Variants in POLL observed in about 807,000 individuals in gnomAD.
POLL encodes DNA polymerase beta-2.
Under a neutral mutation model 58.1 loss-of-function variants are expected in POLL, and 44 were observed. The observed-to-expected ratio is 0.76, with a 90% CI of 0.60 to 0.97. The LOEUF is 0.97. Ranked by LOEUF, POLL falls within the 50% of genes least tolerant of loss-of-function variation. The pLI is 0.00. For synonymous variants in POLL, 290 were observed against 283.2 expected (o/e 1.02, Z -0.24); for missense variants, 632 against 736.8 (o/e 0.86, Z 1.65).
intron 7 of POLL, among the ~76,000 whole-genome samples, chr10:101,582,425 C>T (rs570967771): frequency 6.6e-6 from 1 of 152,278 alleles, no homozygotes; most frequent in South Asian, 2.1e-4. Flanking sequence ...CTGACCCACC[C>T]TAACCTCAGT....
At position 101,584,729 on chromosome 10, in the gene POLL, T is replaced by C. The variant is rs948919792; in HGVS notation, c.764A>G (p.His255Arg). Residue 255 changes from histidine (H) to arginine (R), a missense_variant, in exon 5 of 9, where the codon CAT becomes CGT. Physicochemically the swap from His to Arg is conservative, Grantham distance 29. Coordinates refer to ENST00000370162, the MANE Select transcript of POLL (RefSeq NM_001174084.2). ...CAGAACTTCCAGCTTCTCTGTGATA[T>C]GGAGGTTGTGATTGGTCGCCTTCTG... ...SSQKATNHNL[H>R]ITEKLEVLAK... is the part of the protein sequence containing the mutation. 3 of 1,614,008 alleles carry C rather than the reference T, an allele frequency of 1.9e-6. No individual in the cohort carries two copies. Among genetic ancestry groups the C allele is most frequent in the African/African-American group, 2.7e-5 (2 of 74,930 alleles).
intron 4 of POLL, 47 bp from the exon 5 acceptor site, chr10:101,584,966 A>G: frequency 7.9e-7 from 1 of 1,263,554 alleles, no homozygotes; most frequent in Non-Finnish European, 1.0e-6. Context: ...GTTCTCCAAG[A>G]GAAGGGATCC....
rs745631838 is a variant in POLL at position 101,588,210 on chromosome 10, A to T, written c.-435T>A. The T allele has an allele frequency of 9.1e-6, 14 of 1,542,846 alleles. No individual in the cohort carries two copies. Among genetic ancestry groups the T allele is most frequent in the African/African-American group, 1.4e-5 (1 of 73,036 alleles). On this transcript the variant is annotated 5_prime_UTR_variant, in exon 1 of 9. Coordinates refer to ENST00000370162, the MANE Select transcript of POLL (RefSeq NM_001174084.2). Reference sequence around the variant, plus strand: ...GCAGGAATAGACCACTTACCAGCAGAGCCAATGAGAGCGGACGAAGGGGGG... The same window carrying T: ...GCAGGAATAGACCACTTACCAGCAGTGCCAATGAGAGCGGACGAAGGGGGG...
intron 3 of POLL, 103 bp downstream of exon 3, chr10:101,585,759 C>T: frequency 9.1e-7 from 1 of 1,098,234 alleles, no homozygotes. Context: ...CCCCACCATG[C>T]CTGGCTAATT....
chr10:101,583,014 C>G, intron 6 of POLL, 123 bp from the exon 7 acceptor site: 1 of 1,161,762 alleles, frequency 8.6e-7, no homozygotes, highest in Non-Finnish European at 1.3e-6. Flanking sequence ...CAGGACCAAC[C>G]TAGGGGCAGT....
rs1216108419 is a variant in POLL at position 101,585,370 on chromosome 10, G to A, written c.519C>T (p.Thr173=). ...QTALSPPPPP[T]RPVSPPQKAK... ...CCTTTTGGGGAGGAGACACAGGCCTGGTGGGAGGAGGAGGAGGAGAAAGGG... is the reference window on the plus strand; with the variant it reads ...CCTTTTGGGGAGGAGACACAGGCCTAGTGGGAGGAGGAGGAGGAGAAAGGG... The change falls in exon 4 of 9, where the codon ACC becomes ACT. Residue 173 remains threonine (T), a synonymous_variant. Transcript: ENST00000370162. 2 of 1,605,340 alleles carry A rather than the reference G, an allele frequency of 1.2e-6. No homozygotes were observed. The highest frequency in any genetic ancestry group is 1.7e-6 in the Non-Finnish European group (2 of 1,175,854).
Position 101,584,688 on chromosome 10 carries a change from C to A in POLL, c.805G>T (p.Val269Phe). ...AGGGCCCTCCACTTGTCTCCCTGAA[C>A]ACTGTAGGCTTTGGCCAGAACTTCC... ...KLEVLAKAYS[V>F]QGDKWRALGY... Residue 269 changes from valine (V) to phenylalanine (F), a missense_variant, in exon 5 of 9, where the codon GTT (valine) becomes TTT (phenylalanine). Val to Phe is a conservative substitution (Grantham distance 50). Transcript: ENST00000370162. 1 of 1,613,958 alleles carries A rather than the reference C, an allele frequency of 6.2e-7. No homozygotes were observed. The highest frequency in any genetic ancestry group is 8.5e-7 in the Non-Finnish European group (1 of 1,179,956).
At chr10:101,587,058 A>G (rs909545126) in intron 2 of POLL, 188 bp downstream of exon 2, 3 of 1,229,254 alleles carry the variant, frequency 2.4e-6, no homozygotes, top group Non-Finnish European at 3.6e-6. Flanking sequence ...AAAAGAAGGT[A>G]ACACAGCAAA....
At chr10:101,581,172 C>T (rs1447434713) in intron 7 of POLL, 2 of 152,116 alleles carry the variant, frequency 1.3e-5, no homozygotes, top group Non-Finnish European at 2.9e-5. Context: ...AATTCTGGGG[C>T]CCCGGACACC....
At chr10:101,587,042 G>C (rs1337060337) in intron 2 of POLL, 133 of 1,042,758 alleles carry the variant, frequency 1.3e-4, no homozygotes, top group Non-Finnish European at 7.1e-5. Flanking sequence ...AGAGGTCTTC[G>C]GGTAGAAAAG....
rs1246415603 is a variant in POLL, at chr10:101,580,148, C to T, written c.1363+100G>A. ...CTGGCAAAGCACTGTTCCCCTGCTT[C>T]CTGCCTCAGGACTGGAACTTCTGAG... On this transcript the variant is annotated intron_variant, in intron 8 of 8. Coordinates refer to ENST00000370162, the MANE Select transcript of POLL (RefSeq NM_001174084.2). This position sits in a 1 kb window ranked among gnomAD's most constrained non-coding sequence, Gnocchi z 4.1. 2 of 1,052,730 alleles carry T rather than the reference C, an allele frequency of 1.9e-6. No individual in the cohort carries two copies. The highest frequency in any genetic ancestry group is 2.4e-5 in the East Asian group (1 of 42,004). 65.2% of individuals were successfully genotyped at this position (1,052,730 alleles called of 1,614,324 possible). A position where few individuals can be genotyped will look rare whatever the true frequency, so the allele number is the denominator to read the frequency against.
In POLL at chr10:101,580,236, T is replaced by C. The variant is rs775111916; in HGVS notation, c.1363+12A>G. On this transcript the variant is annotated intron_variant, in intron 8 of 8. Transcript: ENST00000370162. The surrounding 1 kb of genome is among the most constrained non-coding windows in gnomAD (Gnocchi z 4.1). The stretch of plus-strand genomic sequence containing the variant: ...CTCTGTCAACCTGCTCACCCAGAGA[T>C]GGAGCTTATACCTTCCTGCCGAAGA... 3.1e-6 allele frequency: 5 copies of C among 1,608,258 alleles called. No individual in the cohort carries two copies. In the African/African-American group the frequency reaches 5.3e-5, roughly 17 times the overall value.
Position 101,579,967 on chromosome 10 carries a change from A to C in POLL, c.1364-150T>G. 1.2e-6 allele frequency: 1 copy of C among 855,822 alleles called. No homozygotes were observed. The highest frequency in any genetic ancestry group is 1.8e-5 in the South Asian group (1 of 55,708). The allele number at this position is 855,822 out of a possible 1,614,324, so 53.0% of individuals were successfully genotyped here. A position where few individuals can be genotyped will look rare whatever the true frequency, so the allele number is the denominator to read the frequency against. ...TCTGGGCCCTTCTCCTTTTCTGTAAAACATGGATAGTAATTCCCATCTCCC... is the reference window on the plus strand; with the variant it reads ...TCTGGGCCCTTCTCCTTTTCTGTAACACATGGATAGTAATTCCCATCTCCC... On this transcript the variant is annotated intron_variant, in intron 8 of 8. Transcript: ENST00000370162. This position sits in a 1 kb window ranked among gnomAD's most constrained non-coding sequence, Gnocchi z 4.4.
intron 7 of POLL, 63 bp downstream of exon 7, chr10:101,582,700 G>A (rs1159590983): frequency 2.9e-5 from 46 of 1,573,168 alleles, no homozygotes; most frequent in Non-Finnish European, 3.9e-5. Flanking sequence ...GGGGTTCTTG[G>A]CTTTGACCCA....
chr10:101,580,109 A>T lies in POLL; in HGVS notation c.1363+139T>A, dbSNP rs2062899341. On this transcript the variant is annotated intron_variant, in intron 8 of 8. Coordinates refer to ENST00000370162, the MANE Select transcript of POLL (RefSeq NM_001174084.2). This position sits in a 1 kb window ranked among gnomAD's most constrained non-coding sequence, Gnocchi z 4.1. ...CCCTGGAGAGGATTCCGGCCCCGAT[A>T]GAGAGATGGGATGCTGGCAAAGCAC... The T allele has an allele frequency of 2.2e-5, 18 of 800,138 alleles. No individual in the cohort carries two copies. Among genetic ancestry groups the T allele is most frequent in the Non-Finnish European group, 3.6e-5 (18 of 503,420 alleles). The allele number at this position is 800,138 out of a possible 1,614,324, so 49.6% of individuals were successfully genotyped here.
chr10:101,587,617 G>A (rs78920340), intron 1 of POLL: 1 of 1,051,548 alleles, frequency 9.5e-7, no homozygotes, highest in East Asian at 3.8e-5. Flanking sequence ...ATGAGGGGAA[G>A]GCTGGTGCCA....
In POLL at chr10:101,585,484, G is replaced by A. The variant is rs1478011928; in HGVS notation, c.411-6C>T. 4 of 1,519,182 alleles carry A rather than the reference G, an allele frequency of 2.6e-6. No individual in the cohort carries two copies. In the South Asian group the frequency reaches 5.3e-5, roughly 20 times the overall value. The allele number at this position is 1,519,182 out of a possible 1,614,324, so 94.1% of individuals were successfully genotyped here. On this transcript the variant is annotated splice_polypyrimidine_tract_variant and splice_region_variant and intron_variant, in intron 3 of 8. Transcript: ENST00000370162. ...GCTGTGGATGGTCCAAGTACCTGTG[G>A]GGATGGTGATGGGAGGTTAAGACAC...
Position 101,585,969 on chromosome 10 carries a change from G to T in POLL, c.303C>A (p.Pro101=). The change falls in exon 3 of 9, where the codon CCC becomes CCA. Residue 101 remains proline (P), a synonymous_variant. Coordinates refer to ENST00000370162, the MANE Select transcript of POLL (RefSeq NM_001174084.2). Reference sequence around the variant, plus strand: ...CCAGCTGAGCACCCGGGGGCAGCTGGGGTAGTCTGAGAAGGCGGAGGGCTC... The same window carrying T: ...CCAGCTGAGCACCCGGGGGCAGCTGTGGTAGTCTGAGAAGGCGGAGGGCTC... ...YERALRLLRL[P]QLPPGAQLVK... is the part of the protein sequence containing the mutation. The T allele has an allele frequency of 1.9e-6, 3 of 1,614,090 alleles. No individual in the cohort carries two copies. Among genetic ancestry groups the T allele is most frequent in the Non-Finnish European group, 2.5e-6 (3 of 1,180,026 alleles).
intron 4 of POLL, 69 bp downstream of exon 4, chr10:101,585,247 C>T: frequency 4.3e-6 from 6 of 1,383,002 alleles, no homozygotes; most frequent in Non-Finnish European, 5.8e-6. Flanking sequence ...GAACAGCCAC[C>T]AGGCCCACCC....
Sources: allele counts gnomAD v4.1 joint callset (sites outside exome capture counted in the v4.1 genomes callset), GRCh38; gene constraint gnomAD v4.1.1; non-coding constraint Gnocchi (gnomAD v3.1); transcripts MANE v1.5; gene names NCBI Gene and HGNC (gene_info 2026-07-23, HGNC 2026-07-21).